ASPRV1: variants seen among roughly 807,000 people sequenced by gnomAD.
The protein encoded by ASPRV1 is retroviral-like aspartic protease 1.
A neutral mutation model predicts 11.0 loss-of-function variants in ASPRV1; 7 were observed. The ratio of observed to expected loss-of-function variants is 0.64; its 90% CI spans 0.36 to 1.20. The LOEUF is 1.20. Ranked by LOEUF, ASPRV1 falls within the 50% of genes most tolerant of loss-of-function variation. The pLI, the probability that ASPRV1 is intolerant of heterozygous loss-of-function variation, is 0.02. For synonymous variants in ASPRV1, 136 were observed against 138.4 expected, an observed-to-expected ratio of 0.98 and a Z score of 0.12; for missense variants, 299 against 320.0, an observed-to-expected ratio of 0.93 and a Z score of 0.50.
At chr2:69,998,552 C>T in the ASPRV1 span, among the ~76,000 whole-genome samples, 4 of 151,962 alleles carry the variant, frequency 2.6e-5, no homozygotes, top group African/African-American at 9.6e-5. Context: ...CGGTGAAACC[C>T]CGTCTCTACT....
upstream of ASPRV1, chr2:69,961,916 G>A (rs1678133285): frequency 1.1e-5 from 5 of 458,738 alleles, no homozygotes; most frequent in Non-Finnish European, 2.0e-5. Context: ...TGACATTCAG[G>A]TATTTGTCAT....
the ASPRV1 span, chr2:70,049,023 CTTTCT>C: frequency 2.8e-5 from 4 of 145,348 alleles, no homozygotes; most frequent in African/African-American, 5.2e-5. Context: ...AGTAAGATCA[CTTTCT>C]TTTTTTTTTT....
the ASPRV1 span, among the ~76,000 whole-genome samples, chr2:69,974,567 G>A: frequency 5.3e-5 from 8 of 152,176 alleles, no homozygotes; most frequent in Non-Finnish European, 1.2e-4. Context: ...GCTCTTCCTT[G>A]AGCAGGGCCC....
chr2:70,024,276 T>C, the ASPRV1 span, among the ~76,000 whole-genome samples: 1 of 152,144 alleles, frequency 6.6e-6, no homozygotes, highest in African/African-American at 2.4e-5. Context: ...TAATACTTAA[T>C]AGTGGCAGCA....
chr2:69,994,468 G>A, the ASPRV1 span, among the ~76,000 whole-genome samples: 5 of 152,320 alleles, frequency 3.3e-5, no homozygotes, highest in South Asian at 2.1e-4. Flanking sequence ...CCACTTGGAT[G>A]AGCTCATCAT....
chr2:69,933,929 G>A, the ASPRV1 span, among the ~76,000 whole-genome samples: 9 of 152,238 alleles, frequency 5.9e-5, no homozygotes, highest in Admixed American at 1.3e-4. Context: ...AGTAGGTTGT[G>A]TGTGGGCAAT....
At chr2:69,994,073 A>T in the ASPRV1 span, 1 of 152,228 alleles carries the variant, frequency 6.6e-6, no homozygotes, top group African/African-American at 2.4e-5. Context: ...CCAAAGGCAG[A>T]TGGGGCCAAG....
the ASPRV1 span, among the ~76,000 whole-genome samples, chr2:70,008,474 A>T: frequency 0.22 from 33,636 of 152,064 alleles, 6,488 homozygotes; most frequent in African/African-American, 0.48. Flanking sequence ...GTCTGGCAGC[A>T]GAGGCAGCCA....
the ASPRV1 span, among the ~76,000 whole-genome samples, chr2:70,026,772 T>C: frequency 6.6e-6 from 1 of 152,114 alleles, no homozygotes; most frequent in African/African-American, 2.4e-5. Flanking sequence ...ATACCCATAT[T>C]ACCCAAAGCA....
the ASPRV1 span, among the ~76,000 whole-genome samples, chr2:69,954,201 G>T: frequency 6.6e-6 from 1 of 152,160 alleles, no homozygotes; most frequent in African/African-American, 2.4e-5. Flanking sequence ...CACCACAGAA[G>T]AAGCAGGGGC....
the ASPRV1 span, among the ~76,000 whole-genome samples, chr2:70,028,989 T>C: frequency 8.9e-4 from 136 of 152,266 alleles, no homozygotes; most frequent in African/African-American, 3.2e-3. Context: ...ATATCAACCC[T>C]GGCACCTAAA....
At chr2:70,026,723 A>T in the ASPRV1 span, among the ~76,000 whole-genome samples, 1 of 152,182 alleles carries the variant, frequency 6.6e-6, no homozygotes, top group Non-Finnish European at 1.5e-5. Context: ...ATGAAAAGAT[A>T]TCTCATGCTC....
At chr2:70,023,382 G>C in the ASPRV1 span, among the ~76,000 whole-genome samples, 1 of 152,212 alleles carries the variant, frequency 6.6e-6, no homozygotes, top group African/African-American at 2.4e-5. Context: ...GTAAATAAAA[G>C]ACAGGGCTGA....
the ASPRV1 span, among the ~76,000 whole-genome samples, chr2:70,062,468 G>A: frequency 1.8e-4 from 27 of 150,824 alleles, no homozygotes; most frequent in South Asian, 4.1e-4. Flanking sequence ...AGTATCCAGC[G>A]CCCCCTCTCT....
the ASPRV1 span, among the ~76,000 whole-genome samples, chr2:70,009,082 G>A: frequency 6.6e-6 from 1 of 152,002 alleles, no homozygotes; most frequent in African/African-American, 2.4e-5. Context: ...ATTCAGGAGA[G>A]AAAAAAATTA....
At chr2:70,013,666 G>C in the ASPRV1 span, among the ~76,000 whole-genome samples, 14 of 152,140 alleles carry the variant, frequency 9.2e-5, no homozygotes, top group Admixed American at 2.0e-4. Flanking sequence ...AAGGTGGGTG[G>C]ATCACTTGAA....
At chr2:69,954,591 C>T in the ASPRV1 span, among the ~76,000 whole-genome samples, 8 of 152,312 alleles carry the variant, frequency 5.3e-5, 1 homozygote, top group Middle Eastern at 0.014. Context: ...TGCTGGCCCC[C>T]GTCTTCTCCT....
the ASPRV1 span, chr2:69,939,017 T>C: frequency 1.8e-4 from 28 of 152,660 alleles, no homozygotes; most frequent in African/African-American, 6.8e-4. Flanking sequence ...CGCTGTGTTC[T>C]GCTATCTCGA....
At chr2:70,063,587 A>C in the ASPRV1 span, among the ~76,000 whole-genome samples, 1 of 152,196 alleles carries the variant, frequency 6.6e-6, no homozygotes, top group African/African-American at 2.4e-5. Flanking sequence ...AACTTGTTTC[A>C]AAGATAAGGG....
Sources: gnomAD v4.1 joint callset for allele counts (sites outside exome capture counted in the v4.1 genomes callset) on GRCh38, gnomAD v4.1.1 for gene constraint, MANE v1.5 for transcripts, NCBI Gene and HGNC (gene_info 2026-07-23, HGNC 2026-07-21) for gene names.